The following ACSL5 variants were observed in gnomAD, a reference collection of about 807,000 sequenced individuals.
The protein encoded by ACSL5 is acyl-CoA synthetase long chain family member 5, also known as long-chain-fatty-acid--CoA ligase 5.
ACSL5 carries 50 observed loss-of-function variants against 84.9 expected under a neutral mutation model. The ratio of observed to expected loss-of-function variants is 0.59; its 90% confidence interval spans 0.47 to 0.75. The LOEUF is 0.75. Ranked by LOEUF, ACSL5 falls within the 30% of genes least tolerant of loss-of-function variation. The pLI is 0.00. For missense variants in ACSL5, 775 were observed against 830.4 expected, an observed-to-expected ratio of 0.93 and a Z score of 0.82; for synonymous variants, 280 against 300.7, an observed-to-expected ratio of 0.93 and a Z score of 0.71.
intron 7 of ACSL5, 70 bp from the exon 8 acceptor site, chr10:112,410,393 G>A (rs1387078062): frequency 1.2e-6 from 2 of 1,610,030 alleles, no homozygotes; most frequent in Admixed American, 1.7e-5. Flanking sequence ...AAGGGAGGGA[G>A]AGGGCCACAT....
chr10:112,393,694 C>A (rs1843689002), intron 1 of ACSL5, among the ~76,000 whole-genome samples: 1 of 152,230 alleles, frequency 6.6e-6, no homozygotes, highest in Non-Finnish European at 1.5e-5. Context: ...TTGAAGAATG[C>A]AAATTCTGAA....
chr10:112,411,375 T>C (rs943025092), intron 9 of ACSL5, 81 bp from the exon 10 acceptor site: 4 of 1,191,226 alleles, frequency 3.4e-6, no homozygotes, highest in Non-Finnish European at 4.9e-6. Context: ...ATAAAACCAA[T>C]TGAATCTAGT....
At position 112,409,652 on chromosome 10, in the gene ACSL5, T is replaced by A; in HGVS notation, c.678T>A (p.Ser226Arg). 6.2e-7 allele frequency: 1 copy of A among 1,613,804 alleles called. No individual in the cohort carries two copies. The highest frequency in any genetic ancestry group is 8.5e-7 in the Non-Finnish European group (1 of 1,179,934). ...DDDLKQRGEK[S>R]GIEILSLYDA... ...ACCTGAAGCAAAGAGGGGAGAAGAG[T>A]GGAATTGAGATCTTATCCCTATATG... Residue 226 changes from serine to arginine, a missense_variant, in exon 7 of 21, where the codon AGT becomes AGA. Transcript: ENST00000354655.
chr10:112,380,392 A>C (rs1333457560), intron 1 of ACSL5, among the ~76,000 whole-genome samples: 1 of 152,070 alleles, frequency 6.6e-6, no homozygotes, highest in Non-Finnish European at 1.5e-5. Context: ...CCAGAGGTGC[A>C]GTGTCTACAC....
intron 7 of ACSL5, chr10:112,410,156 G>T: frequency 7.4e-7 from 1 of 1,351,254 alleles, no homozygotes. Context: ...CTCTGAAAAT[G>T]TTAGCTATTC....
At chr10:112,399,711 C>T (rs1843832288) in intron 3 of ACSL5, among the ~76,000 whole-genome samples, 1 of 152,210 alleles carries the variant, frequency 6.6e-6, no homozygotes. Flanking sequence ...TTTTATCCGT[C>T]CCTTGACTTC....
In ACSL5 at chr10:112,425,447, T is replaced by G; in HGVS notation, c.1703T>G (p.Val568Gly). 1 of 1,613,190 alleles carries G rather than the reference T, an allele frequency of 6.2e-7. No individual in the cohort carries two copies. Among genetic ancestry groups the G allele is most frequent in the Non-Finnish European group, 8.5e-7 (1 of 1,179,632 alleles). Residue 568 changes from valine (V) to glycine (G), a missense_variant, in exon 18 of 21, where the codon GTG becomes GGG. Physicochemically the swap from Val to Gly is moderately radical, Grantham distance 109 (BLOSUM62 -3). Transcript: ENST00000354655. ...AATATCTACAACAGGAGTCAACCAG[T>G]GTTACAAATTTTTGTACACGGGGAG... ...IENIYNRSQP[V>G]LQIFVHGESL...
chr10:112,376,558 AGGGCCGGCTGAGTTCCACG>A (rs1189733541), intron 1 of ACSL5: 126 of 1,484,632 alleles, frequency 8.5e-5, no homozygotes, highest in Non-Finnish European at 1.1e-4. Context: ...CTTAGAATCA[AGGGCCGGCTGAGTTCCACG>A]GGCACATCAT....
intron 12 of ACSL5, among the ~76,000 whole-genome samples, chr10:112,414,359 T>TG (rs1362530819): frequency 7.0e-6 from 1 of 143,766 alleles, no homozygotes; most frequent in African/African-American, 2.6e-5. Context: ...ATTCTTTTTT[T>TG]TTTTTTTTTT....
intron 6 of ACSL5, chr10:112,408,805 T>G (rs1564738877): frequency 3.5e-6 from 1 of 286,268 alleles, no homozygotes; most frequent in African/African-American, 2.2e-5. Flanking sequence ...CTGAACACAC[T>G]AGATAAAAGC....
At chr10:112,413,116 G>C (rs1384172928) in intron 11 of ACSL5, 57 bp from the exon 12 acceptor site, 2 of 1,591,660 alleles carry the variant, frequency 1.3e-6, no homozygotes, top group Non-Finnish European at 1.7e-6. Flanking sequence ...TTCCAAGACA[G>C]GTCCCCACTA....
chr10:112,423,215 AAAAAAAATATATATAT>A (rs1844535778), intron 17 of ACSL5, among the ~76,000 whole-genome samples: 2 of 43,556 alleles, frequency 4.6e-5, no homozygotes, highest in African/African-American at 1.4e-4. Flanking sequence ...AAAAAAAAAA[AAAAAAAATATATATAT>A]ATATATATAT....
chr10:112,408,318 A>G (rs1844096672), intron 5 of ACSL5, 104 bp from the exon 6 acceptor site: 4 of 785,900 alleles, frequency 5.1e-6, no homozygotes, highest in Non-Finnish European at 8.5e-6. Context: ...AAAAAAAGCA[A>G]AACAAAACAA....
intron 9 of ACSL5, among the ~76,000 whole-genome samples, chr10:112,410,931 G>A (rs923179151): frequency 1.3e-5 from 2 of 151,270 alleles, no homozygotes; most frequent in African/African-American, 2.4e-5. Flanking sequence ...ATTTGACACC[G>A]CTGGAATGGT....
At position 112,395,425 on chromosome 10, in the gene ACSL5, A is replaced by G. The variant is rs543089871; in HGVS notation, c.156+323A>G. Among the ~76,000 whole-genome samples the G allele has an allele frequency of 2.2e-4, 34 of 152,298 alleles. No homozygotes were observed. In the East Asian group the frequency reaches 3.1e-3, roughly 14 times the overall value. ...GGGATGAGTTAAAAACAAAAATGGG[A>G]AAGATGAGGCATGTCCCACAAAGCC... On this transcript the variant is annotated intron_variant, in intron 2 of 20. Coordinates refer to ENST00000354655, the MANE Select transcript of ACSL5 (RefSeq NM_203379.2).
chr10:112,420,581 C>G (rs1278995532), intron 14 of ACSL5, among the ~76,000 whole-genome samples: 1 of 152,186 alleles, frequency 6.6e-6, no homozygotes, highest in Admixed American at 6.5e-5. Context: ...TTAAAAAATA[C>G]TACTCCCCTT....
chr10:112,421,193 C>G (rs564467388), intron 14 of ACSL5, among the ~76,000 whole-genome samples: 2 of 150,710 alleles, frequency 1.3e-5, no homozygotes, highest in African/African-American at 4.9e-5. Context: ...GAGTCTCGCT[C>G]TGTCACCCAG....
At chr10:112,424,082 C>G (rs1844580717) in intron 17 of ACSL5, among the ~76,000 whole-genome samples, 1 of 152,210 alleles carries the variant, frequency 6.6e-6, no homozygotes, top group Non-Finnish European at 1.5e-5. Context: ...ACAGGCATAT[C>G]AAAACAAGGA....
intron 14 of ACSL5, 84 bp downstream of exon 14, chr10:112,418,025 A>C (rs1272573987): frequency 5.5e-6 from 6 of 1,094,888 alleles, no homozygotes; most frequent in South Asian, 1.6e-5. Flanking sequence ...GAAAACAACT[A>C]AAAGGTACCA....
Sources: allele counts gnomAD v4.1 joint callset (sites outside exome capture counted in the v4.1 genomes callset), GRCh38; gene constraint gnomAD v4.1.1; transcripts MANE v1.5; gene names NCBI Gene and HGNC (gene_info 2026-07-23, HGNC 2026-07-21).